The following FMN1 variants were observed in gnomAD, a reference collection of about 807,000 sequenced individuals.
FMN1 encodes the protein formin-1.
Under a neutral mutation model 132.4 loss-of-function variants are expected in FMN1, and 110 were observed. The observed-to-expected ratio is 0.83, with a 90% CI of 0.71 to 0.97. The LOEUF is 0.97. Among genes scored for constraint, FMN1 ranks in the 50% least tolerant of loss-of-function variants. The pLI, the probability that FMN1 is intolerant of heterozygous loss-of-function variation, is 0.00. For missense variants in FMN1, 1,792 were observed against 1,705.3 expected (o/e 1.05, Z -0.90); for synonymous variants, 722 against 651.7 (o/e 1.11, Z -1.64).
At chr15:33,061,624 G>C (rs1200217826) in intron 6 of FMN1, among the ~76,000 whole-genome samples, 1 of 147,252 alleles carries the variant, frequency 6.8e-6, no homozygotes, top group Non-Finnish European at 1.5e-5. Flanking sequence ...AATATATAAG[G>C]AAATCCAAAA....
chr15:32,920,969 G>A (rs1407639127), intron 10 of FMN1, among the ~76,000 whole-genome samples: 2 of 152,092 alleles, frequency 1.3e-5, no homozygotes, highest in Non-Finnish European at 2.9e-5. Flanking sequence ...CATTCAACAG[G>A]CACTTCATGA....
At chr15:32,937,975 A>C (rs189568701) in intron 9 of FMN1, among the ~76,000 whole-genome samples, 159 of 152,360 alleles carry the variant, frequency 1.0e-3, no homozygotes, top group Admixed American at 2.7e-3. Context: ...ATACACTTAG[A>C]TCTTTCTGAG....
intron 17 of FMN1, among the ~76,000 whole-genome samples, chr15:32,831,487 A>T (rs987756960): frequency 6.6e-6 from 1 of 152,164 alleles, no homozygotes; most frequent in African/African-American, 2.4e-5. Context: ...GAACACGGGA[A>T]GTGGAGCTGG....
intron 6 of FMN1, chr15:33,012,609 G>A: frequency 9.4e-7 from 1 of 1,060,318 alleles, no homozygotes; most frequent in Admixed American, 1.7e-5. Flanking sequence ...CTGTCGTTCA[G>A]AAATACCACA....
Position 33,154,395 on chromosome 15 carries a change from G to C in FMN1, c.520C>G (p.Gln174Glu), listed in dbSNP as rs774221626. The part of the protein sequence containing the change: ...GRRESFGALP[Q>E]KRTKRKGRGG... ...CGCCCTTTTCTTTTGGTCCTCTTCT[G>C]TGGAAGGGCCCCAAAGCTCTCTCTC... The change falls in exon 4 of 21, where the codon CAG (glutamine) becomes GAG (glutamate). Residue 174 changes from glutamine (Q) to glutamate (E), a missense_variant. Around this residue, in one of 3 missense-constraint regions of FMN1, gnomAD observed 638 missense variants for 645.2 expected, o/e 0.99. Coordinates refer to ENST00000616417, the MANE Select transcript of FMN1 (RefSeq NM_001277313.2). The C allele has an allele frequency of 6.5e-7, 1 of 1,536,122 alleles. No individual in the cohort carries two copies. Among genetic ancestry groups the C allele is most frequent in the South Asian group, 1.2e-5 (1 of 84,066 alleles).
At chr15:33,045,938 C>T (rs343901) in intron 6 of FMN1, among the ~76,000 whole-genome samples, 108,149 of 152,102 alleles carry the variant, frequency 0.71, 38,950 homozygotes, top group Non-Finnish European at 0.76. Context: ...GGATTACAGG[C>T]GTGAGCCATC....
Position 32,842,202 on chromosome 15 carries a change from A to G in FMN1, c.3928+14813T>C, listed in dbSNP as rs117017361. On this transcript the variant is annotated intron_variant, in intron 17 of 20. Coordinates refer to ENST00000616417, the MANE Select transcript of FMN1 (RefSeq NM_001277313.2). ...TTTGCTCAGGAAAAAGCCAGTAACT[A>G]TGTAAGAAGGCTAACTACTGCGAGA... 3.4e-3 allele frequency among the ~76,000 whole-genome samples: 512 copies of G among 152,334 alleles called. 10 individuals carry two copies. In the East Asian group the frequency reaches 0.035, roughly 10 times the overall value.
intron 3 of FMN1, among the ~76,000 whole-genome samples, chr15:33,168,956 T>C (rs1965213342): frequency 6.6e-6 from 1 of 152,212 alleles, no homozygotes; most frequent in African/African-American, 2.4e-5. Flanking sequence ...TTCCTCTTAA[T>C]AAACTGAGCT....
intron 17 of FMN1, among the ~76,000 whole-genome samples, chr15:32,817,146 T>C (rs2058082357): frequency 6.6e-6 from 1 of 152,212 alleles, no homozygotes; most frequent in Non-Finnish European, 1.5e-5. Flanking sequence ...CTTAACACAT[T>C]TGTTAAATAG....
At chr15:33,028,443 G>A (rs988155398) in intron 6 of FMN1, among the ~76,000 whole-genome samples, 1 of 151,904 alleles carries the variant, frequency 6.6e-6, no homozygotes, top group African/African-American at 2.4e-5. Context: ...CCCTACACAA[G>A]TTGCCCTGAA....
At chr15:32,957,619 A>G (rs2029963050) in intron 9 of FMN1, among the ~76,000 whole-genome samples, 1 of 152,166 alleles carries the variant, frequency 6.6e-6, no homozygotes, top group African/African-American at 2.4e-5. Context: ...TGACACATTA[A>G]TGCTTTAAGA....
In FMN1 at chr15:33,176,802, A is replaced by C. The variant is rs563336515; in HGVS notation, c.-132+3396T>G. Among the ~76,000 whole-genome samples the C allele has an allele frequency of 1.7e-4, 26 of 152,298 alleles. No individual in the cohort carries two copies. The South Asian group carries it at 5.2e-3, about 30-fold the overall frequency. On this transcript the variant is annotated intron_variant, in intron 3 of 20. Transcript: ENST00000616417. ...TGTCGGTGGAGAATGATAGGTTGTG[A>C]AGTCAATTAAAGGAATCCAGCTTCA...
At chr15:33,027,913 C>G (rs945953098) in intron 6 of FMN1, among the ~76,000 whole-genome samples, 4 of 151,710 alleles carry the variant, frequency 2.6e-5, no homozygotes, top group Non-Finnish European at 5.9e-5. Context: ...TTCTGAAAAT[C>G]AGTCATCCAC....
At chr15:32,857,391 G>C (rs2059159687) in intron 16 of FMN1, among the ~76,000 whole-genome samples, 1 of 152,150 alleles carries the variant, frequency 6.6e-6, no homozygotes, top group Non-Finnish European at 1.5e-5. Context: ...ACCTGGGATA[G>C]GTAAAGTATT....
chr15:32,902,135 C>T (rs900229889), intron 12 of FMN1, 95 bp from the exon 13 acceptor site: 4 of 1,032,436 alleles, frequency 3.9e-6, no homozygotes, highest in African/African-American at 3.2e-5. Flanking sequence ...ACATTCCTTA[C>T]CTAACAATCT....
rs2031581402 is a variant in FMN1 at position 32,969,400 on chromosome 15, T to C, written c.2301A>G (p.Glu767=). 1.2e-6 allele frequency: 2 copies of C among 1,613,852 alleles called. No homozygotes were observed. The highest frequency in any genetic ancestry group is 1.7e-5 in the Admixed American group (1 of 59,992). ...MITARLEETI[E]NLKHELEHRW... is the part of the protein sequence containing the mutation. The stretch of plus-strand genomic sequence containing the variant: ...TGTGTTCTAGCTCGTGTTTCAGATT[T>C]TCAATGGTTTCTTCTAGTCTCGCTG... The change falls in exon 8 of 21, where the codon GAA becomes GAG. Residue 767 remains glutamate, a synonymous_variant. Coordinates refer to ENST00000616417, the MANE Select transcript of FMN1 (RefSeq NM_001277313.2).
chr15:32,790,029 C>T (rs888794293), intron 19 of FMN1, among the ~76,000 whole-genome samples: 5 of 46,074 alleles, frequency 1.1e-4, no homozygotes, highest in Non-Finnish European at 1.8e-4. Context: ...CAATGTATCC[C>T]GCTAGTTAAG....
At chr15:33,057,454 A>G (rs1376412955) in intron 6 of FMN1, among the ~76,000 whole-genome samples, 2 of 152,214 alleles carry the variant, frequency 1.3e-5, no homozygotes, top group Non-Finnish European at 2.9e-5. Flanking sequence ...TGAACTTCAT[A>G]TATATTGTCT....
rs183206387 is a variant in FMN1 at position 32,986,088 on chromosome 15, T to C, written c.2224-16611A>G. Among the ~76,000 whole-genome samples the C allele has an allele frequency of 3.1e-3, 465 of 152,240 alleles. 3 individuals are homozygous for C. The highest frequency in any genetic ancestry group is 0.01 in the Middle Eastern group (3 of 294). On this transcript the variant is annotated intron_variant, in intron 7 of 20. Transcript: ENST00000616417. ...ACAGCACCCACGATAATAGGGGTTA[T>C]AGATTTATTCTTTGTGGTGGCAAGG...
Sources: allele counts gnomAD v4.1 joint callset (sites outside exome capture counted in the v4.1 genomes callset), GRCh38; gene constraint gnomAD v4.1.1; regional missense constraint gnomAD v4.1.1; transcripts MANE v1.5; gene names NCBI Gene and HGNC (gene_info 2026-07-23, HGNC 2026-07-21).